Variants in PRKD1 observed in about 807,000 individuals in gnomAD.
PRKD1 encodes the protein serine/threonine-protein kinase D1.
A neutral mutation model predicts 95.9 loss-of-function variants in PRKD1; 63 were observed. The ratio of observed to expected loss-of-function variants is 0.66; its 90% CI spans 0.54 to 0.81. PRKD1 has a LOEUF of 0.81. PRKD1 is among the 30% of genes least tolerant of loss of function. The probability of loss-of-function intolerance (pLI) is 0.00; values close to 1 mark genes in which losing one functional copy is unlikely to be tolerated. For missense variants in PRKD1, 1,048 were observed against 1,165.3 expected (o/e 0.90, Z 1.47); for synonymous variants, 425 against 423.1 (o/e 1.00, Z -0.05).
At chr14:29,588,032 A>G (rs1892996417) in intron 16 of PRKD1, among the ~76,000 whole-genome samples, 1 of 152,146 alleles carries the variant, frequency 6.6e-6, no homozygotes, top group Non-Finnish European at 1.5e-5. Context: ...GTGTGTTAAT[A>G]TGTTGACAAA....
intron 4 of PRKD1, among the ~76,000 whole-genome samples, chr14:29,651,639 T>C (rs1441021024): frequency 2.6e-5 from 4 of 151,742 alleles, no homozygotes; most frequent in East Asian, 1.9e-4. Context: ...ATTTCTTCTA[T>C]AGAAATCTTT....
At position 29,872,409 on chromosome 14, in the gene PRKD1, T is replaced by A. The variant is rs1893139568; in HGVS notation, c.264+54840A>T. Among the ~76,000 whole-genome samples, 3 of 152,062 alleles carry A rather than the reference T, an allele frequency of 2.0e-5. No individual in the cohort carries two copies. The South Asian group carries it at 6.2e-4, about 32-fold the overall frequency. ...CAGGTGGGGTGGCTCACGCCTGTAATCCCAGCACTTTGAGAGGCCAAGGTG... is the reference window on the plus strand; with the variant it reads ...CAGGTGGGGTGGCTCACGCCTGTAAACCCAGCACTTTGAGAGGCCAAGGTG... On this transcript the variant is annotated intron_variant, in intron 1 of 17. Transcript: ENST00000331968.
Position 29,578,302 on chromosome 14 carries a change from AT to A in PRKD1, c.2492del (p.Asp831ValfsTer4), listed in dbSNP as rs1892632193. 6.2e-7 allele frequency: 1 copy of A among 1,610,878 alleles called. No homozygotes were observed. The highest frequency in any genetic ancestry group is 1.7e-5 in the Admixed American group (1 of 59,494). On this transcript the variant is annotated frameshift_variant, in exon 17 of 18. Transcript: ENST00000331968. LOFTEE classifies it high-confidence loss of function. The stretch of plus-strand genomic sequence containing the variant: ...GTAGCCAAGGGTGGCTCAAGGTCTT[AT>A]CCACACTGTAGCGCTTTCTCATTTT... ...QVKMRKRYSVDKTLSHPWLQD... is the reference protein window; with the variant it reads ...QVKMRKRYSVXKTLSHPWLQD...
intron 1 of PRKD1, among the ~76,000 whole-genome samples, chr14:29,920,015 G>GGGAAGGAAGGAAGGAAGGAA (rs398043721): frequency 1.4e-4 from 15 of 104,432 alleles, no homozygotes; most frequent in African/African-American, 2.9e-4. Context: ...GAAGGAAGGA[G>GGGAAGGAAGGAAGGAAGGAA]GGAAGGAAGG....
At chr14:29,750,074 A>C (rs1887405867) in intron 1 of PRKD1, among the ~76,000 whole-genome samples, 1 of 152,176 alleles carries the variant, frequency 6.6e-6, no homozygotes, top group East Asian at 1.9e-4. Flanking sequence ...ACAAGTCATT[A>C]TTTGAGGACT....
intron 3 of PRKD1, among the ~76,000 whole-genome samples, chr14:29,664,398 G>A (rs1477183981): frequency 6.6e-6 from 1 of 152,142 alleles, no homozygotes; most frequent in Admixed American, 6.6e-5. Flanking sequence ...TTTCCACATG[G>A]TAGGTGATCA....
At chr14:29,819,945 C>T (rs1427248599) in intron 1 of PRKD1, among the ~76,000 whole-genome samples, 1 of 152,086 alleles carries the variant, frequency 6.6e-6, no homozygotes, top group Non-Finnish European at 1.5e-5. Flanking sequence ...GAAGTTTGCC[C>T]TCAAGGTATT....
intron 1 of PRKD1, among the ~76,000 whole-genome samples, chr14:29,838,831 G>A (rs1891715365): frequency 6.6e-6 from 1 of 152,088 alleles, no homozygotes. Flanking sequence ...CTAGTTTGAG[G>A]CACTAAGAGG....
At position 29,676,649 on chromosome 14, in the gene PRKD1, G is replaced by A. The variant is rs143586228; in HGVS notation, c.404-10441C>T. 2.2e-4 allele frequency among the ~76,000 whole-genome samples: 34 copies of A among 152,240 alleles called. No individual in the cohort carries two copies. In the South Asian group the frequency reaches 4.4e-3, roughly 20 times the overall value. ...ATTATAGGCATCAGCCACAGCGCCC[G>A]GCCAAGTTCAGTTTTTAACCTGTTT... On this transcript the variant is annotated intron_variant, in intron 2 of 17. Coordinates refer to ENST00000331968, the MANE Select transcript of PRKD1 (RefSeq NM_002742.3).
At chr14:29,699,276 C>G (rs1312966262) in intron 2 of PRKD1, among the ~76,000 whole-genome samples, 2 of 152,184 alleles carry the variant, frequency 1.3e-5, no homozygotes, top group Non-Finnish European at 2.9e-5. Context: ...ACCTTCCAAC[C>G]AACAGTTTGT....
chr14:29,691,595 G>C (rs1349939237), intron 2 of PRKD1, among the ~76,000 whole-genome samples: 1 of 152,112 alleles, frequency 6.6e-6, no homozygotes, highest in Non-Finnish European at 1.5e-5. Context: ...TGCACCCAAA[G>C]TAACAATTAT....
At chr14:29,621,229 T>A (rs1333289862) in intron 13 of PRKD1, among the ~76,000 whole-genome samples, 1 of 150,246 alleles carries the variant, frequency 6.7e-6, no homozygotes, top group Non-Finnish European at 1.5e-5. Flanking sequence ...CATTAGGAGA[T>A]ATACCTAATG....
chr14:29,785,739 G>A (rs1047971119), intron 1 of PRKD1, among the ~76,000 whole-genome samples: 1 of 151,716 alleles, frequency 6.6e-6, no homozygotes, highest in Non-Finnish European at 1.5e-5. Context: ...GAGTTAATGG[G>A]TGCAGCACAC....
At chr14:29,704,076 A>T (rs1884965822) in intron 2 of PRKD1, among the ~76,000 whole-genome samples, 2 of 152,178 alleles carry the variant, frequency 1.3e-5, no homozygotes, top group Admixed American at 1.3e-4. Context: ...TAAACAATAC[A>T]ACACGGGACA....
intron 1 of PRKD1, among the ~76,000 whole-genome samples, chr14:29,783,398 T>C (rs111580678): frequency 1.3e-5 from 2 of 152,350 alleles, no homozygotes; most frequent in East Asian, 1.9e-4. Context: ...CGTTCATCCG[T>C]TGATGAATTC....
At chr14:29,646,389 T>C (rs1366090870) in intron 4 of PRKD1, among the ~76,000 whole-genome samples, 1 of 152,114 alleles carries the variant, frequency 6.6e-6, no homozygotes, top group Non-Finnish European at 1.5e-5. Context: ...AGAGTATAAT[T>C]GGATTGTCTG....
chr14:29,911,339 A>G (rs1370634992), intron 1 of PRKD1, among the ~76,000 whole-genome samples: 2 of 152,194 alleles, frequency 1.3e-5, no homozygotes, highest in African/African-American at 4.8e-5. Context: ...AATCTGTTAG[A>G]CTTATTAAAA....
chr14:29,864,144 C>A (rs1892804698), intron 1 of PRKD1, among the ~76,000 whole-genome samples: 1 of 151,932 alleles, frequency 6.6e-6, no homozygotes, highest in Non-Finnish European at 1.5e-5. Flanking sequence ...TTAATTAAAA[C>A]ATTTTGTCAC....
At chr14:29,700,963 TACGCGTGCGCATGC>T (rs1566547805) in intron 2 of PRKD1, among the ~76,000 whole-genome samples, 1 of 48,262 alleles carries the variant, frequency 2.1e-5, no homozygotes, top group Admixed American at 2.0e-4. Context: ...CATTTGTGTG[TACGCGTGCGCATGC>T]GCGCGCGCGC....
Sources: gnomAD v4.1 joint callset for allele counts (sites outside exome capture counted in the v4.1 genomes callset) on GRCh38, gnomAD v4.1.1 for gene constraint, MANE v1.5 for transcripts, NCBI Gene and HGNC (gene_info 2026-07-23, HGNC 2026-07-21) for gene names.